The following NARS2 variants were observed in gnomAD, a reference collection of about 807,000 sequenced individuals.
NARS2 encodes asparaginyl-tRNA synthetase.
In NARS2, 60 loss-of-function variants were observed where a neutral mutation model predicts 62.9. The ratio of observed to expected loss-of-function variants is 0.95; its 90% CI spans 0.77 to 1.18. The LOEUF (loss-of-function observed/expected upper bound fraction) is 1.18, where lower values mean the gene tolerates loss of function less well. Ranked by LOEUF, NARS2 falls within the 50% of genes most tolerant of loss-of-function variation. The probability of loss-of-function intolerance (pLI) is 0.00; values close to 1 mark genes in which losing one functional copy is unlikely to be tolerated. For missense variants in NARS2, 619 were observed against 576.4 expected, an observed-to-expected ratio of 1.07 and a Z score of -0.76; for synonymous variants, 196 against 200.0, an observed-to-expected ratio of 0.98 and a Z score of 0.17.
chr11:78,531,114 C>T (rs1189091137), intron 5 of NARS2, among the ~76,000 whole-genome samples: 1 of 151,786 alleles, frequency 6.6e-6, no homozygotes, highest in Non-Finnish European at 1.5e-5. Flanking sequence ...AAGGACTGTC[C>T]TGCCACAGAA....
intron 11 of NARS2, among the ~76,000 whole-genome samples, chr11:78,457,797 AACACACACAC>A (rs10556136): frequency 0.28 from 41,004 of 148,450 alleles, 7,197 homozygotes; most frequent in African/African-American, 0.49. Context: ...ATTATGTAAC[AACACACACAC>A]ACACACACAC....
At chr11:78,458,121 T>C (rs1178209354) in intron 11 of NARS2, among the ~76,000 whole-genome samples, 1 of 152,152 alleles carries the variant, frequency 6.6e-6, no homozygotes, top group Non-Finnish European at 1.5e-5. Flanking sequence ...TGAGAGGATT[T>C]TGAATGTTCA....
intron 11 of NARS2, among the ~76,000 whole-genome samples, chr11:78,455,314 T>A (rs951473763): frequency 6.6e-6 from 1 of 152,224 alleles, no homozygotes; most frequent in Admixed American, 6.5e-5. Context: ...AAAGCAATTT[T>A]AAAAACATTT....
At chr11:78,456,059 TTTAG>T (rs1461281384) in intron 11 of NARS2, among the ~76,000 whole-genome samples, 2 of 152,190 alleles carry the variant, frequency 1.3e-5, no homozygotes, top group African/African-American at 2.4e-5. Flanking sequence ...GTTAATCTTA[TTTAG>T]TTAAGTGAGA....
chr11:78,515,541 CAG>C (rs965134118), intron 6 of NARS2, among the ~76,000 whole-genome samples: 1 of 152,114 alleles, frequency 6.6e-6, no homozygotes, highest in African/African-American at 2.4e-5. Flanking sequence ...TTTTAAGAGA[CAG>C]GGTCTGGTTC....
intron 6 of NARS2, among the ~76,000 whole-genome samples, chr11:78,516,675 C>A (rs939465092): frequency 2.6e-5 from 4 of 152,230 alleles, no homozygotes; most frequent in African/African-American, 9.6e-5. Context: ...ATGATAGTAA[C>A]AGAAGCTAAG....
intron 6 of NARS2, among the ~76,000 whole-genome samples, chr11:78,522,365 A>G (rs1861163679): frequency 6.6e-6 from 1 of 152,190 alleles, no homozygotes; most frequent in African/African-American, 2.4e-5. Context: ...CTCAAACATA[A>G]GAACTGTTAA....
intron 12 of NARS2, among the ~76,000 whole-genome samples, chr11:78,443,066 C>T (rs1033638560): frequency 2.6e-5 from 4 of 152,112 alleles, no homozygotes; most frequent in African/African-American, 9.7e-5. Context: ...TGGCTCATGC[C>T]TGTAATCCCA....
chr11:78,447,418 C>A (rs968728851), intron 11 of NARS2, among the ~76,000 whole-genome samples: 1 of 151,922 alleles, frequency 6.6e-6, no homozygotes, highest in African/African-American at 2.4e-5. Context: ...AAATTAGTAC[C>A]GTCATTATGA....
intron 5 of NARS2, chr11:78,558,181 G>A (rs1298367248): frequency 6.6e-6 from 1 of 152,140 alleles, no homozygotes; most frequent in Non-Finnish European, 1.5e-5. Flanking sequence ...GTCACCTGCT[G>A]CCTTCTTTGA....
intron 8 of NARS2, 31 bp downstream of exon 8, chr11:78,478,554 T>G (rs1300767372): frequency 7.2e-7 from 1 of 1,391,006 alleles, no homozygotes; most frequent in Non-Finnish European, 1.0e-6. Context: ...AAACAGTAGA[T>G]GTATTGGGCT....
chr11:78,537,672 G>A (rs1322157845), intron 5 of NARS2, among the ~76,000 whole-genome samples: 3 of 152,308 alleles, frequency 2.0e-5, no homozygotes, highest in South Asian at 4.1e-4. Context: ...ATGGAGGCAC[G>A]TGCCTGTAGT....
At position 78,465,824 on chromosome 11, in the gene NARS2, A is replaced by C. The variant is rs943702671; in HGVS notation, c.1164+52T>G. ...AAGAAAAGATCACAAAGGCTAAATGAAAAACCCAACCTAAGAGGACTAACC... is the reference window on the plus strand; with the variant it reads ...AAGAAAAGATCACAAAGGCTAAATGCAAAACCCAACCTAAGAGGACTAACC... On this transcript the variant is annotated intron_variant, in intron 11 of 13. Transcript: ENST00000281038. 17 of 1,595,400 alleles carry C rather than the reference A, an allele frequency of 1.1e-5. No individual in the cohort carries two copies. The Admixed American group carries it at 2.9e-4, about 27-fold the overall frequency.
At chr11:78,451,117 C>G (rs981832988) in intron 11 of NARS2, among the ~76,000 whole-genome samples, 1 of 152,214 alleles carries the variant, frequency 6.6e-6, no homozygotes, top group African/African-American at 2.4e-5. Flanking sequence ...GCTAAAGATT[C>G]TGCACACTCT....
intron 7 of NARS2, among the ~76,000 whole-genome samples, chr11:78,483,858 C>T (rs1043482537): frequency 2.0e-5 from 3 of 152,122 alleles, no homozygotes; most frequent in African/African-American, 7.2e-5. Flanking sequence ...ATCAAGCTAC[C>T]ACTGACTTTC....
intron 10 of NARS2, 51 bp from the exon 11 acceptor site, chr11:78,466,064 A>T (rs1391510172): frequency 2.6e-6 from 4 of 1,522,856 alleles, no homozygotes; most frequent in Middle Eastern, 1.8e-4. Context: ...GGTGAAATAT[A>T]CAATTAAGCA....
At chr11:78,532,175 A>T (rs533479809) in intron 5 of NARS2, among the ~76,000 whole-genome samples, 1 of 152,346 alleles carries the variant, frequency 6.6e-6, no homozygotes, top group East Asian at 1.9e-4. Context: ...ACAATACAAT[A>T]TATGAATTAA....
chr11:78,531,877 G>C (rs1451186746), intron 5 of NARS2, among the ~76,000 whole-genome samples: 2 of 152,096 alleles, frequency 1.3e-5, no homozygotes, highest in Non-Finnish European at 2.9e-5. Flanking sequence ...GTGTAGAGGG[G>C]AAAATGGGAT....
chr11:78,500,581 C>G (rs985389389), intron 6 of NARS2, among the ~76,000 whole-genome samples: 116 of 152,218 alleles, frequency 7.6e-4, no homozygotes, highest in African/African-American at 2.7e-3. Context: ...TCAAGCAATC[C>G]TCCTGCCCCA....
Sources: allele counts gnomAD v4.1 joint callset (sites outside exome capture counted in the v4.1 genomes callset), GRCh38; gene constraint gnomAD v4.1.1; transcripts MANE v1.5; gene names NCBI Gene and HGNC (gene_info 2026-07-23, HGNC 2026-07-21).